UBE2E1: variants seen among roughly 807,000 people sequenced by gnomAD.
The protein encoded by UBE2E1 is ubiquitin conjugating enzyme E2 E1.
A neutral mutation model predicts 21.4 loss-of-function variants in UBE2E1; 6 were observed. The ratio of observed to expected loss-of-function variants is 0.28; its 90% CI spans 0.15 to 0.55. UBE2E1 has a LOEUF of 0.55. Among genes scored for constraint, UBE2E1 ranks in the 20% least tolerant of loss-of-function variants. The pLI is 0.93. For missense variants in UBE2E1, 142 were observed against 236.5 expected (o/e 0.60, Z 2.62); for synonymous variants, 87 against 82.7 (o/e 1.05, Z -0.28).
chr3:23,872,561 A>C (rs866955478), intron 3 of UBE2E1, among the ~76,000 whole-genome samples: 3 of 152,130 alleles, frequency 2.0e-5, no homozygotes, highest in African/African-American at 2.4e-5. Context: ...ACACTCTTAA[A>C]ATTTATTTCA....
Position 23,810,455 on chromosome 3 carries a change from G to C in UBE2E1, c.153-1005G>C. The C allele has an allele frequency of 1.3e-6, 2 of 1,535,750 alleles. No individual in the cohort carries two copies. The highest frequency in any genetic ancestry group is 2.4e-5 in the East Asian group (1 of 40,886). On this transcript the variant is annotated intron_variant, in intron 2 of 5. Transcript: ENST00000306627. The surrounding 1 kb of genome is among the most constrained non-coding windows in gnomAD (Gnocchi z 5.8). ...ACTGCAGGTCTCCAGTCTATCCCCA[G>C]TGTGAGCTAGAGAGCGGACCATGAA...
Position 23,863,998 on chromosome 3 carries a change from T to C in UBE2E1, c.204-23569T>C, listed in dbSNP as rs971870809. On this transcript the variant is annotated intron_variant, in intron 3 of 5. Coordinates refer to ENST00000306627, the MANE Select transcript of UBE2E1 (RefSeq NM_003341.5). The surrounding 1 kb of genome is among the most constrained non-coding windows in gnomAD (Gnocchi z 4.3). Reference sequence around the variant, plus strand: ...ACATAGAAGTTTTGTTTCCTTTATCTTTTTCTTGTTTATGCCCTTATTTTG... The same window carrying C: ...ACATAGAAGTTTTGTTTCCTTTATCCTTTTCTTGTTTATGCCCTTATTTTG... Among the ~76,000 whole-genome samples, 4 of 152,222 alleles carry C rather than the reference T, an allele frequency of 2.6e-5. No homozygotes were observed. The highest frequency in any genetic ancestry group is 6.5e-5 in the Admixed American group (1 of 15,284).
intron 3 of UBE2E1, among the ~76,000 whole-genome samples, chr3:23,873,044 T>C (rs1254528566): frequency 6.6e-6 from 1 of 151,800 alleles, no homozygotes; most frequent in Non-Finnish European, 1.5e-5. Context: ...CCTAGAAGAC[T>C]GGTACTATTT....
At chr3:23,881,123 A>G (rs1459560512) in intron 3 of UBE2E1, among the ~76,000 whole-genome samples, 1 of 152,164 alleles carries the variant, frequency 6.6e-6, no homozygotes, top group Non-Finnish European at 1.5e-5. Context: ...CCTATCAGTT[A>G]ACAGACACAG....
rs1333696030 is a variant in UBE2E1, at chr3:23,807,337, A to G, written c.68A>G (p.Glu23Gly). The G allele has an allele frequency of 2.5e-6, 4 of 1,613,934 alleles. No homozygotes were observed. The highest frequency in any genetic ancestry group is 1.6e-4 in the Middle Eastern group (1 of 6,082). ...TCTTCGTCTTCCAACCAGCAAACCG[A>G]GAAAGAAACAAACACCCCCAAGAAG... ...SSSSSSNQQT[E>G]KETNTPKKKE... The change falls in exon 2 of 6, where the codon GAG becomes GGG. Residue 23 changes from glutamate (E) to glycine (G), a missense_variant. Glu to Gly is a moderately conservative substitution (Grantham distance 98). Coordinates refer to ENST00000306627, the MANE Select transcript of UBE2E1 (RefSeq NM_003341.5).
intron 3 of UBE2E1, among the ~76,000 whole-genome samples, chr3:23,847,737 C>T (rs1164744237): frequency 6.6e-6 from 1 of 152,034 alleles, no homozygotes; most frequent in African/African-American, 2.4e-5. Context: ...CCTCGTGATC[C>T]ACCCACCTCG....
intron 3 of UBE2E1, among the ~76,000 whole-genome samples, chr3:23,829,246 G>A (rs182447006): frequency 7.0e-4 from 104 of 149,260 alleles, no homozygotes; most frequent in Admixed American, 1.4e-3. Flanking sequence ...CTGCAGCCTT[G>A]AACTCCTGGG....
At chr3:23,864,459 T>TA (rs535802905) in intron 3 of UBE2E1, among the ~76,000 whole-genome samples, 670 of 152,310 alleles carry the variant, frequency 4.4e-3, no homozygotes, top group Non-Finnish European at 7.5e-3. Context: ...ATCTTTTCTC[T>TA]CCTATTTGCA....
intron 3 of UBE2E1, among the ~76,000 whole-genome samples, chr3:23,837,640 C>T (rs1475031471): frequency 6.6e-6 from 1 of 152,200 alleles, no homozygotes; most frequent in Non-Finnish European, 1.5e-5. Flanking sequence ...AAATTACTAG[C>T]TCCTTGCTGC....
chr3:23,888,782 G>A (rs900388428), intron 4 of UBE2E1, among the ~76,000 whole-genome samples: 5 of 152,132 alleles, frequency 3.3e-5, no homozygotes, highest in African/African-American at 1.2e-4. Flanking sequence ...AGCTTACTTT[G>A]AGGCAGTGTA....
At chr3:23,869,917 T>C (rs1700748008) in intron 3 of UBE2E1, among the ~76,000 whole-genome samples, 1 of 152,070 alleles carries the variant, frequency 6.6e-6, no homozygotes, top group Admixed American at 6.5e-5. Context: ...TAACAAAATA[T>C]TCTAAACAAA....
intron 3 of UBE2E1, among the ~76,000 whole-genome samples, chr3:23,855,914 A>G (rs915457297): frequency 3.3e-5 from 5 of 152,236 alleles, no homozygotes; most frequent in African/African-American, 1.2e-4. Context: ...TTCAAGGTTC[A>G]GTTCCGTGAG....
rs951168153 is a variant in UBE2E1 at position 23,807,275 on chromosome 3, G to T, written c.6G>T (p.Ser2=). The T allele has an allele frequency of 4.2e-5, 68 of 1,612,056 alleles. No homozygotes were observed. Among genetic ancestry groups the T allele is most frequent in the Non-Finnish European group, 5.8e-5 (68 of 1,179,312 alleles). ...GGTGGGGTGGGGGGTTCGCTATGTC[G>T]GATGACGATTCGAGGGCCAGCACCA... M[S]DDDSRASTSS... Residue 2 remains serine, a synonymous_variant, in exon 2 of 6, where the codon TCG becomes TCT. Transcript: ENST00000306627.
At chr3:23,847,318 C>T (rs924687054) in intron 3 of UBE2E1, among the ~76,000 whole-genome samples, 2 of 151,802 alleles carry the variant, frequency 1.3e-5, no homozygotes, top group African/African-American at 2.4e-5. Context: ...GTCATGACAT[C>T]AGTAGTACGT....
rs1000713062 is a variant in UBE2E1, at chr3:23,876,943, C to G, written c.204-10624C>G. Among the ~76,000 whole-genome samples the G allele has an allele frequency of 6.6e-6, 1 of 152,202 alleles. No individual in the cohort carries two copies. The highest frequency in any genetic ancestry group is 1.9e-4 in the East Asian group (1 of 5,200). ...CCTGTAATCCTAGCAACTCAGGAGG[C>G]TGAGATGGAAGGATCACTTGAGCCA... On this transcript the variant is annotated intron_variant, in intron 3 of 5. Coordinates refer to ENST00000306627, the MANE Select transcript of UBE2E1 (RefSeq NM_003341.5). The surrounding 1 kb of genome is among the most constrained non-coding windows in gnomAD (Gnocchi z 4.3).
chr3:23,810,810 G>C lies in UBE2E1; in HGVS notation c.153-650G>C, dbSNP rs995896268. On this transcript the variant is annotated intron_variant, in intron 2 of 5. Transcript: ENST00000306627. The surrounding 1 kb of genome is among the most constrained non-coding windows in gnomAD (Gnocchi z 5.8). Reference sequence around the variant, plus strand: ...GAGCCGTCGGGGGCGCGCGCGGGGTGGGGGCGGCGTGGCCGGGCGGTGGCA... The same window carrying C: ...GAGCCGTCGGGGGCGCGCGCGGGGTCGGGGCGGCGTGGCCGGGCGGTGGCA... 1.0e-5 allele frequency: 2 copies of C among 199,756 alleles called. No individual in the cohort carries two copies. Among genetic ancestry groups the C allele is most frequent in the African/African-American group, 2.3e-5 (1 of 42,866 alleles). The allele number at this position is 199,756 out of a possible 1,614,324, so 12.4% of individuals were successfully genotyped here.
At chr3:23,843,646 C>T (rs1700137904) in intron 3 of UBE2E1, among the ~76,000 whole-genome samples, 1 of 152,196 alleles carries the variant, frequency 6.6e-6, no homozygotes, top group African/African-American at 2.4e-5. Context: ...CAGCACCCTT[C>T]CAACTCCCCC....
In UBE2E1 at chr3:23,828,398, A is replaced by G. The variant is rs72627004; in HGVS notation, c.203+16888A>G. On this transcript the variant is annotated intron_variant, in intron 3 of 5. Coordinates refer to ENST00000306627, the MANE Select transcript of UBE2E1 (RefSeq NM_003341.5). ...ATATAACATTTTAAATATAGGTTTA[A>G]TTTTTGAGAAGATACACAGTATACT... Among the ~76,000 whole-genome samples, 541 of 152,348 alleles carry G rather than the reference A, an allele frequency of 3.6e-3. 10 individuals are homozygous for G. In the East Asian group the frequency reaches 0.044, roughly 12 times the overall value.
intron 3 of UBE2E1, among the ~76,000 whole-genome samples, chr3:23,826,505 G>C (rs995914477): frequency 1.3e-5 from 2 of 152,132 alleles, no homozygotes; most frequent in African/African-American, 4.8e-5. Flanking sequence ...GACACAGCAG[G>C]GAAACTAGGA....
Sources: gnomAD v4.1 joint callset for allele counts (sites outside exome capture counted in the v4.1 genomes callset) on GRCh38, gnomAD v4.1.1 for gene constraint, Gnocchi (gnomAD v3.1) non-coding constraint, MANE v1.5 for transcripts, NCBI Gene and HGNC (gene_info 2026-07-23, HGNC 2026-07-21) for gene names.